Variants in POLK observed in about 807,000 individuals in gnomAD.
The protein encoded by POLK is polymerase (DNA directed) kappa.
A neutral mutation model predicts 94.0 loss-of-function variants in POLK; 76 were observed. The ratio of observed to expected loss-of-function variants is 0.81; its 90% confidence interval spans 0.67 to 0.98. POLK has a LOEUF of 0.98. POLK is among the 50% of genes least tolerant of loss of function. The probability of loss-of-function intolerance (pLI) is 0.00; values close to 1 mark genes in which losing one functional copy is unlikely to be tolerated. For synonymous variants in POLK, 349 were observed against 325.4 expected, an observed-to-expected ratio of 1.07 and a Z score of -0.78; for missense variants, 954 against 1,010.1, an observed-to-expected ratio of 0.94 and a Z score of 0.75.
chr5:75,550,593 A>T (rs1282733431), intron 2 of POLK, among the ~76,000 whole-genome samples: 1 of 152,180 alleles, frequency 6.6e-6, no homozygotes, highest in Non-Finnish European at 1.5e-5. Context: ...AAAGATAAAA[A>T]AAAGAGAGAG....
chr5:75,519,589 A>G (rs1580905896), intron 1 of POLK, among the ~76,000 whole-genome samples: 1 of 152,272 alleles, frequency 6.6e-6, no homozygotes, highest in South Asian at 2.1e-4. Context: ...ATTAATTGTT[A>G]TATCCTTTTG....
chr5:75,597,756 G>T (rs5744716), exon 14 of POLK: 4 of 1,507,660 alleles, frequency 2.7e-6, no homozygotes, highest in Non-Finnish European at 3.6e-6. Flanking sequence ...GGTAGCTCAA[G>T]TGGAGTACAG....
At chr5:75,551,697 T>C (rs1011909154) in intron 2 of POLK, among the ~76,000 whole-genome samples, 2 of 152,198 alleles carry the variant, frequency 1.3e-5, no homozygotes, top group Non-Finnish European at 2.9e-5. Flanking sequence ...AGAATAGCTA[T>C]AATAAATAAG....
chr5:75,551,531 C>T (rs959003849), intron 2 of POLK, among the ~76,000 whole-genome samples: 11 of 151,704 alleles, frequency 7.3e-5, no homozygotes, highest in Admixed American at 3.3e-4. Flanking sequence ...GACAAGCAAC[C>T]GAATCAAAAA....
intron 10 of POLK, among the ~76,000 whole-genome samples, chr5:75,589,513 C>T (rs1481036389): frequency 2.0e-5 from 3 of 151,618 alleles, no homozygotes; most frequent in African/African-American, 7.3e-5. Flanking sequence ...TGCAGTGGTG[C>T]GATCTCGGTT....
chr5:75,573,170 A>C (rs1017085840), intron 4 of POLK, among the ~76,000 whole-genome samples: 1 of 152,190 alleles, frequency 6.6e-6, no homozygotes. Context: ...ACACCATGGA[A>C]TACTATGCAG....
At chr5:75,530,016 T>C (rs1157148790) in intron 1 of POLK, among the ~76,000 whole-genome samples, 1 of 152,128 alleles carries the variant, frequency 6.6e-6, no homozygotes, top group South Asian at 2.1e-4. Context: ...ATGCTTTCCC[T>C]TTACTTTCCC....
intron 3 of POLK, 134 bp from the exon 4 acceptor site, chr5:75,569,206 T>A: frequency 1.7e-6 from 1 of 577,426 alleles, no homozygotes; most frequent in Non-Finnish European, 3.0e-6. Context: ...GATGGATGAA[T>A]GGATGGATGG....
At chr5:75,570,362 A>AT (rs1242370363) in intron 4 of POLK, among the ~76,000 whole-genome samples, 1 of 152,168 alleles carries the variant, frequency 6.6e-6, no homozygotes, top group Non-Finnish European at 1.5e-5. Flanking sequence ...ATTAATAGAG[A>AT]TTTTCAAACT....
chr5:75,522,820 T>C (rs1768650164), intron 1 of POLK, among the ~76,000 whole-genome samples: 1 of 152,106 alleles, frequency 6.6e-6, no homozygotes, highest in South Asian at 2.1e-4. Context: ...GATGAATACA[T>C]TCATATAGTA....
intron 1 of POLK, among the ~76,000 whole-genome samples, chr5:75,537,838 T>G (rs1303855248): frequency 1.3e-5 from 2 of 152,036 alleles, no homozygotes; most frequent in Non-Finnish European, 2.9e-5. Context: ...AAATTTTGTT[T>G]TTTTTATTTT....
At chr5:75,522,447 T>G (rs187850845) in intron 1 of POLK, among the ~76,000 whole-genome samples, 1 of 152,230 alleles carries the variant, frequency 6.6e-6, no homozygotes, top group Non-Finnish European at 1.5e-5. Context: ...GAAGCCAGCT[T>G]ACTTCTACTT....
intron 3 of POLK, among the ~76,000 whole-genome samples, chr5:75,555,043 A>T (rs1770546145): frequency 6.6e-6 from 1 of 152,118 alleles, no homozygotes; most frequent in Non-Finnish European, 1.5e-5. Context: ...AGGTACAAAG[A>T]TTTTCCATAT....
chr5:75,580,828 A>T (rs1354263541), intron 6 of POLK, among the ~76,000 whole-genome samples: 2 of 150,744 alleles, frequency 1.3e-5, no homozygotes, highest in African/African-American at 4.8e-5. Flanking sequence ...ATTTTCGAAG[A>T]TTCTTTTTCT....
intron 3 of POLK, among the ~76,000 whole-genome samples, chr5:75,562,875 G>A (rs115443101): frequency 2.4e-3 from 359 of 152,218 alleles, no homozygotes; most frequent in Non-Finnish European, 3.2e-3. Context: ...TGATTGCGTT[G>A]GATAAGCTTT....
downstream of POLK, among the ~76,000 whole-genome samples, chr5:75,602,456 C>T (rs1267562637): frequency 2.6e-5 from 4 of 152,144 alleles, no homozygotes; most frequent in African/African-American, 4.8e-5. Flanking sequence ...AGGGCCAGTA[C>T]GTGAAGACAC....
At chr5:75,553,782 A>G (rs1770449374) in intron 3 of POLK, among the ~76,000 whole-genome samples, 1 of 152,214 alleles carries the variant, frequency 6.6e-6, no homozygotes, top group Non-Finnish European at 1.5e-5. Flanking sequence ...TTTCCTTATT[A>G]TGAGAATTTC....
rs139549470 is a variant in POLK, at chr5:75,541,993, G to A, written c.-13-5017G>A. Among the ~76,000 whole-genome samples, 16 of 152,242 alleles carry A rather than the reference G, an allele frequency of 1.1e-4. 1 individual carries two copies. In the East Asian group the frequency reaches 3.1e-3, roughly 29 times the overall value. On this transcript the variant is annotated intron_variant, in intron 1 of 14. Coordinates refer to ENST00000241436, the Ensembl canonical transcript of POLK. ...GGAAATTTTAAAGTAGATCATATAA[G>A]ATGTATTGGTTTGAAAATTACTACT... is the stretch of plus-strand genomic sequence containing the variant.
intron 11 of POLK, among the ~76,000 whole-genome samples, chr5:75,592,429 G>A (rs911721573): frequency 1.3e-5 from 2 of 152,088 alleles, no homozygotes; most frequent in African/African-American, 2.4e-5. Flanking sequence ...AATTCAGTTG[G>A]GGGGCCAGGC....
Sources: gnomAD v4.1 joint callset for allele counts (sites outside exome capture counted in the v4.1 genomes callset) on GRCh38, gnomAD v4.1.1 for gene constraint, MANE v1.5 for transcripts, NCBI Gene and HGNC (gene_info 2026-07-23, HGNC 2026-07-21) for gene names.